Variants in ABCA13 observed in about 807,000 individuals in gnomAD.
ABCA13 encodes the protein ATP-binding cassette sub-family A member 13.
Under a neutral mutation model 478.7 loss-of-function variants are expected in ABCA13, and 476 were observed. That is an observed-to-expected ratio of 0.99 (90% CI 0.92 to 1.07). ABCA13 has a LOEUF of 1.07. Among genes scored for constraint, ABCA13 ranks in the 50% least tolerant of loss-of-function variants. The pLI is 0.00. For missense variants in ABCA13, 6,060 were observed against 5,910.6 expected (o/e 1.03, Z -0.83); for synonymous variants, 2,252 against 2,158.9 (o/e 1.04, Z -1.20).
At chr7:48,579,470 C>G (rs2131359597) in intron 55 of ABCA13, among the ~76,000 whole-genome samples, 1 of 152,210 alleles carries the variant, frequency 6.6e-6, no homozygotes, top group Admixed American at 6.5e-5. Flanking sequence ...ACTGACAATA[C>G]CAAATGTTGA....
At chr7:48,440,023 T>C (rs12154722) in intron 42 of ABCA13, among the ~76,000 whole-genome samples, 15,542 of 152,198 alleles carry the variant, frequency 0.1, 868 homozygotes, top group East Asian at 0.15. Context: ...TTCATATTTA[T>C]TAGCCATTTG....
At chr7:48,515,975 C>A (rs1354613815) in intron 51 of ABCA13, among the ~76,000 whole-genome samples, 1 of 152,138 alleles carries the variant, frequency 6.6e-6, no homozygotes, top group Non-Finnish European at 1.5e-5. Context: ...GGCCCACGTA[C>A]AACCCGTGTG....
intron 15 of ABCA13, among the ~76,000 whole-genome samples, chr7:48,259,714 T>C (rs994238084): frequency 1.0e-5 from 1 of 96,732 alleles, no homozygotes; most frequent in Non-Finnish European, 2.0e-5. Context: ...ATCTATATAC[T>C]TAAGTGTTTT....
At chr7:48,578,168 T>G (rs1040541762) in intron 55 of ABCA13, among the ~76,000 whole-genome samples, 1 of 152,110 alleles carries the variant, frequency 6.6e-6, no homozygotes, top group Non-Finnish European at 1.5e-5. Flanking sequence ...GAACAAGATG[T>G]CCTCTCTCTC....
intron 55 of ABCA13, among the ~76,000 whole-genome samples, chr7:48,572,948 G>A (rs1428285243): frequency 6.6e-6 from 1 of 151,820 alleles, no homozygotes; most frequent in Non-Finnish European, 1.5e-5. Context: ...CCTTTTCTTG[G>A]TTTATTATGT....
chr7:48,428,372 A>T (rs1362532427), intron 42 of ABCA13, among the ~76,000 whole-genome samples: 2 of 152,122 alleles, frequency 1.3e-5, no homozygotes, highest in Non-Finnish European at 2.9e-5. Flanking sequence ...TTAATGATTG[A>T]ACAGAATCCA....
chr7:48,208,980 A>G (rs1320053034), intron 3 of ABCA13, among the ~76,000 whole-genome samples: 2 of 152,006 alleles, frequency 1.3e-5, no homozygotes, highest in Non-Finnish European at 2.9e-5. Flanking sequence ...TGTTCCTTCT[A>G]TATCCAGTTT....
At chr7:48,372,020 T>C (rs1320543722) in intron 32 of ABCA13, 148 bp from the exon 33 acceptor site, 6 of 679,130 alleles carry the variant, frequency 8.8e-6, no homozygotes, top group East Asian at 2.8e-5. Flanking sequence ...GAGGAGGCAA[T>C]GTCCTTCCCA....
At chr7:48,232,906 G>A (rs540867502) in intron 7 of ABCA13, among the ~76,000 whole-genome samples, 92 of 152,290 alleles carry the variant, frequency 6.0e-4, no homozygotes, top group Non-Finnish European at 1.1e-3. Flanking sequence ...AGAAAAAGGG[G>A]ATAATTACAG....
At chr7:48,555,292 T>A (rs1480802243) in intron 55 of ABCA13, among the ~76,000 whole-genome samples, 1 of 151,920 alleles carries the variant, frequency 6.6e-6, no homozygotes, top group Non-Finnish European at 1.5e-5. Flanking sequence ...GCACATAGTT[T>A]TCTTTTTTTG....
chr7:48,420,827 T>C (rs1247170681), intron 41 of ABCA13, among the ~76,000 whole-genome samples: 1 of 151,952 alleles, frequency 6.6e-6, no homozygotes, highest in African/African-American at 2.4e-5. Context: ...GTGCCCCTCA[T>C]GTCCCTAAGA....
At chr7:48,422,067 AAAAAAAAAAAAAAAAAAG>A (rs1820829440) in intron 41 of ABCA13, among the ~76,000 whole-genome samples, 1 of 108,936 alleles carries the variant, frequency 9.2e-6, no homozygotes, top group African/African-American at 3.8e-5. Context: ...AAAAAAAAAA[AAAAAAAAAAAAAAAAAAG>A]AAAAAAGGAA....
chr7:48,629,569 T>C (rs1464002330), intron 59 of ABCA13, among the ~76,000 whole-genome samples: 1 of 126,092 alleles, frequency 7.9e-6, no homozygotes, highest in African/African-American at 3.1e-5. Flanking sequence ...ATCAGTTACA[T>C]TTTGGCAAAA....
intron 59 of ABCA13, among the ~76,000 whole-genome samples, chr7:48,629,538 A>T (rs2131629169): frequency 6.6e-6 from 1 of 151,614 alleles, no homozygotes; most frequent in Admixed American, 6.6e-5. Flanking sequence ...TTTATAAAAG[A>T]ACAAAAAAAA....
At chr7:48,497,850 G>A (rs573716534) in intron 48 of ABCA13, among the ~76,000 whole-genome samples, 110 of 152,314 alleles carry the variant, frequency 7.2e-4, no homozygotes, top group Admixed American at 9.8e-4. Flanking sequence ...GTATTCTTTA[G>A]TCTCATCGAA....
intron 55 of ABCA13, among the ~76,000 whole-genome samples, chr7:48,544,179 G>T (rs1023990083): frequency 1.3e-5 from 2 of 151,310 alleles, no homozygotes; most frequent in African/African-American, 4.8e-5. Flanking sequence ...CCTATCTGAG[G>T]TCACAAGAAA....
chr7:48,362,465 G>T (rs529419702), intron 31 of ABCA13, among the ~76,000 whole-genome samples: 2 of 51,210 alleles, frequency 3.9e-5, no homozygotes, highest in Admixed American at 2.5e-4. Context: ...ATATGACTTT[G>T]CCCATCCTTT....
In ABCA13 at chr7:48,317,299, A is replaced by G. The variant is rs1415242065; in HGVS notation, c.9999+3A>G. On this transcript the variant is annotated splice_donor_region_variant and intron_variant, in intron 27 of 61. Coordinates refer to ENST00000435803, the MANE Select transcript of ABCA13 (RefSeq NM_152701.5). Reference sequence around the variant, plus strand: ...AAATTAACAAGGTCATTCAAAAGGTAAGTTAAAATAAATGAGAATCATATA... The same window carrying G: ...AAATTAACAAGGTCATTCAAAAGGTGAGTTAAAATAAATGAGAATCATATA... 1.2e-6 allele frequency: 2 copies of G among 1,611,624 alleles called. No individual in the cohort carries two copies.
chr7:48,193,826 T>C lies in ABCA13; in HGVS notation c.163+774T>C, dbSNP rs145016163. 3.5e-3 allele frequency among the ~76,000 whole-genome samples: 535 copies of C among 152,180 alleles called. 6 individuals carry two copies. The highest frequency in any genetic ancestry group is 0.012 in the African/African-American group (506 of 41,514). ...ATGATGATTGGGAAAATAGTGATGA[T>C]GGTGATGATGATGAAGATGATGATA... On this transcript the variant is annotated intron_variant, in intron 2 of 61. Coordinates refer to ENST00000435803, the MANE Select transcript of ABCA13 (RefSeq NM_152701.5).
Sources: allele counts gnomAD v4.1 joint callset (sites outside exome capture counted in the v4.1 genomes callset), GRCh38; gene constraint gnomAD v4.1.1; transcripts MANE v1.5; gene names NCBI Gene and HGNC (gene_info 2026-07-23, HGNC 2026-07-21).